PCP4: variants seen among roughly 807,000 people sequenced by gnomAD.
The protein encoded by PCP4 is Purkinje cell protein 4, also known as calmodulin regulator protein PCP4.
PCP4 carries 8 observed loss-of-function variants against 10.0 expected under a neutral mutation model. That is an observed-to-expected ratio of 0.80 (90% CI 0.47 to 1.45). PCP4 has a LOEUF of 1.45. Ranked by LOEUF, PCP4 falls within the 40% of genes most tolerant of loss-of-function variation. The pLI is 0.00. For synonymous variants in PCP4, 21 were observed against 23.0 expected (o/e 0.91, Z 0.24); for missense variants, 54 against 74.4 (o/e 0.73, Z 1.01).
At chr21:39,911,193 A>G (rs994958072) in intron 2 of PCP4, among the ~76,000 whole-genome samples, 1 of 152,116 alleles carries the variant, frequency 6.6e-6, no homozygotes, top group African/African-American at 2.4e-5. Context: ...TGGGATCTGA[A>G]TGGGATTGTC....
chr21:39,881,189 T>C (rs936931203), intron 1 of PCP4, among the ~76,000 whole-genome samples: 1 of 152,192 alleles, frequency 6.6e-6, no homozygotes, highest in African/African-American at 2.4e-5. Flanking sequence ...CTTGGGCTTC[T>C]ACTGTTTTCT....
intron 1 of PCP4, among the ~76,000 whole-genome samples, chr21:39,889,398 A>G (rs910697960): frequency 6.7e-6 from 1 of 148,302 alleles, no homozygotes; most frequent in Non-Finnish European, 1.5e-5. Flanking sequence ...CAAATTAAAT[A>G]TCAAACCAAG....
chr21:39,874,327 G>A (rs2087334187), intron 1 of PCP4, among the ~76,000 whole-genome samples: 2 of 152,132 alleles, frequency 1.3e-5, no homozygotes, highest in Admixed American at 6.5e-5. Context: ...GACAACTTTT[G>A]AATGTTAAAT....
chr21:39,892,732 A>G (rs143788125), intron 1 of PCP4, among the ~76,000 whole-genome samples: 1 of 152,164 alleles, frequency 6.6e-6, no homozygotes, highest in African/African-American at 2.4e-5. Context: ...CACTCTTTAA[A>G]TTGTTTTAAA....
rs566087867 is a variant in PCP4 at position 39,925,009 on chromosome 21, T to C, written c.62-3975T>C. Among the ~76,000 whole-genome samples, 750 of 152,314 alleles carry C rather than the reference T, an allele frequency of 4.9e-3. 9 individuals are homozygous for C. Among genetic ancestry groups the C allele is most frequent in the South Asian group, 0.023 (110 of 4,822 alleles). On this transcript the variant is annotated intron_variant, in intron 2 of 2. Transcript: ENST00000328619. ...GTACACCTGTGCCTTCCTCTTTCCCTGTGTGCCTATTGAGGTCTGGACGTC... is the reference window on the plus strand; with the variant it reads ...GTACACCTGTGCCTTCCTCTTTCCCCGTGTGCCTATTGAGGTCTGGACGTC...
At chr21:39,918,603 T>TTA (rs2087580252) in intron 2 of PCP4, among the ~76,000 whole-genome samples, 1 of 152,168 alleles carries the variant, frequency 6.6e-6, no homozygotes, top group African/African-American at 2.4e-5. Context: ...GAAATGCGAA[T>TTA]TGTGTTTTTG....
At position 39,921,647 on chromosome 21, in the gene PCP4, GGAGATGGTTAAA is replaced by G. The variant is rs1289879182; in HGVS notation, c.62-7325_62-7314del. On this transcript the variant is annotated intron_variant, in intron 2 of 2. Coordinates refer to ENST00000328619, the MANE Select transcript of PCP4 (RefSeq NM_006198.3). ...GGTACCCCAGATTGTAACTACATTT[GGAGATGGTTAAA>G]GAGATGGTTAATTGATTAATGTTAA... 3.3e-5 allele frequency among the ~76,000 whole-genome samples: 5 copies of G among 152,158 alleles called. No homozygotes were observed. In the East Asian group the frequency reaches 9.6e-4, roughly 29 times the overall value.
chr21:39,873,789 A>G (rs1233884314), intron 1 of PCP4, among the ~76,000 whole-genome samples: 1 of 152,238 alleles, frequency 6.6e-6, no homozygotes, highest in Non-Finnish European at 1.5e-5. Context: ...CAATGGCTCA[A>G]ACCTATAAAT....
chr21:39,880,130 G>GTA (rs1555846870), intron 1 of PCP4, among the ~76,000 whole-genome samples: 4 of 141,602 alleles, frequency 2.8e-5, no homozygotes, highest in South Asian at 2.4e-4. Context: ...ATCTATATCT[G>GTA]TATCTATATC....
chr21:39,891,510 G>A (rs1353933552), intron 1 of PCP4, among the ~76,000 whole-genome samples: 7 of 152,208 alleles, frequency 4.6e-5, no homozygotes, highest in South Asian at 4.1e-4. Flanking sequence ...GGGGCTTAGC[G>A]GGTATTCTCC....
chr21:39,917,787 C>T (rs2087576309), intron 2 of PCP4, among the ~76,000 whole-genome samples: 1 of 152,100 alleles, frequency 6.6e-6, no homozygotes, highest in Admixed American at 6.5e-5. Context: ...TGTACTCCCT[C>T]CCTATCAAAT....
chr21:39,882,238 T>C (rs1458134266), intron 1 of PCP4, among the ~76,000 whole-genome samples: 2 of 152,218 alleles, frequency 1.3e-5, no homozygotes, highest in Non-Finnish European at 2.9e-5. Flanking sequence ...TTTTGTTCAC[T>C]TGATGAGGAT....
chr21:39,896,390 G>A lies in PCP4; in HGVS notation c.10-2086G>A, dbSNP rs537032354. On this transcript the variant is annotated intron_variant, in intron 1 of 2. Coordinates refer to ENST00000328619, the MANE Select transcript of PCP4 (RefSeq NM_006198.3). ...TCACCTGAGGTGGCTGTTCCATCTCGGATTTGGTCCAACTCAGTAGTAGTC... is the reference window on the plus strand; with the variant it reads ...TCACCTGAGGTGGCTGTTCCATCTCAGATTTGGTCCAACTCAGTAGTAGTC... Among the ~76,000 whole-genome samples the A allele has an allele frequency of 2.0e-5, 3 of 152,266 alleles. No individual in the cohort carries two copies. In the South Asian group the frequency reaches 6.2e-4, roughly 32 times the overall value.
chr21:39,923,278 C>G (rs2087605665), intron 2 of PCP4, among the ~76,000 whole-genome samples: 1 of 152,218 alleles, frequency 6.6e-6, no homozygotes, highest in African/African-American at 2.4e-5. Context: ...AGAACTCCAG[C>G]CTGCCACGTG....
chr21:39,895,592 C>T (rs1247795511), intron 1 of PCP4, among the ~76,000 whole-genome samples: 2 of 152,254 alleles, frequency 1.3e-5, no homozygotes, highest in Non-Finnish European at 2.9e-5. Flanking sequence ...CTCTTCCCCA[C>T]TTCGTGGGCT....
intron 1 of PCP4, among the ~76,000 whole-genome samples, chr21:39,880,634 C>G (rs541879614): frequency 6.6e-6 from 1 of 152,206 alleles, no homozygotes; most frequent in East Asian, 1.9e-4. Flanking sequence ...TTTTGTCCCA[C>G]GTCTTTTTCT....
At chr21:39,878,339 C>T (rs997980801) in intron 1 of PCP4, among the ~76,000 whole-genome samples, 5 of 152,184 alleles carry the variant, frequency 3.3e-5, no homozygotes, top group African/African-American at 7.2e-5. Context: ...AATAGCACTA[C>T]GATAGCACTC....
intron 1 of PCP4, among the ~76,000 whole-genome samples, chr21:39,896,855 G>A (rs1401509294): frequency 6.6e-6 from 1 of 152,142 alleles, no homozygotes; most frequent in Non-Finnish European, 1.5e-5. Flanking sequence ...ATTGTTTTTA[G>A]GCTAAAGACC....
In PCP4 at chr21:39,888,723, A is replaced by G. The variant is rs149077682; in HGVS notation, c.10-9753A>G. Among the ~76,000 whole-genome samples, 4 of 152,286 alleles carry G rather than the reference A, an allele frequency of 2.6e-5. No homozygotes were observed. The East Asian group carries it at 7.7e-4, about 29-fold the overall frequency. On this transcript the variant is annotated intron_variant, in intron 1 of 2. Coordinates refer to ENST00000328619, the MANE Select transcript of PCP4 (RefSeq NM_006198.3). ...CCGGCCCTCCAGGCTGTGAGCCACC[A>G]AAGTGGAAGCAGTGGGTCCCTTCTG...
Sources: allele counts gnomAD v4.1 joint callset (sites outside exome capture counted in the v4.1 genomes callset), GRCh38; gene constraint gnomAD v4.1.1; transcripts MANE v1.5; gene names NCBI Gene and HGNC (gene_info 2026-07-23, HGNC 2026-07-21).